The following SNX25 variants were observed in gnomAD, a reference collection of about 807,000 sequenced individuals.
The protein encoded by SNX25 is sorting nexin-25.
SNX25 carries 62 observed loss-of-function variants against 113.7 expected under a neutral mutation model. The ratio of observed to expected loss-of-function variants is 0.55; its 90% CI spans 0.44 to 0.67. The LOEUF (loss-of-function observed/expected upper bound fraction) is 0.67. Among genes scored for constraint, SNX25 ranks in the 30% least tolerant of loss-of-function variants. SNX25 has a pLI of 0.00. For synonymous variants in SNX25, 421 were observed against 436.2 expected, an observed-to-expected ratio of 0.97 and a Z score of 0.43; for missense variants, 1,014 against 1,161.0, an observed-to-expected ratio of 0.87 and a Z score of 1.84.
At chr4:185,359,980 A>T (rs535214790) in intron 16 of SNX25, among the ~76,000 whole-genome samples, 1 of 152,252 alleles carries the variant, frequency 6.6e-6, no homozygotes, top group Admixed American at 6.5e-5. Flanking sequence ...GCAGATGATG[A>T]CTCATGACAG....
At chr4:185,215,272 C>A (rs1462980925) in intron 1 of SNX25, among the ~76,000 whole-genome samples, 2 of 152,128 alleles carry the variant, frequency 1.3e-5, no homozygotes, top group Non-Finnish European at 2.9e-5. Flanking sequence ...AAGCACATGG[C>A]ACTGTTTTGG....
rs1475311854 is a variant in SNX25 at position 185,209,755 on chromosome 4, C to A, written c.-72C>A. Reference sequence around the variant, plus strand: ...GGGCGAGGCATGAGCGCGGGCTCCCCCTGCCTCCGGAGCGCCGGCGGGGGA... The same window carrying A: ...GGGCGAGGCATGAGCGCGGGCTCCCACTGCCTCCGGAGCGCCGGCGGGGGA... On this transcript the variant is annotated 5_prime_UTR_variant, in exon 1 of 19. Transcript: ENST00000652585. This position sits in a 1 kb window ranked among gnomAD's most constrained non-coding sequence, Gnocchi z 5.2. 11 of 984,008 alleles carry A rather than the reference C, an allele frequency of 1.1e-5. No individual in the cohort carries two copies. The highest frequency in any genetic ancestry group is 4.7e-5 in the South Asian group (1 of 21,292). 61.0% of individuals were successfully genotyped at this position (984,008 alleles called of 1,614,324 possible).
intron 2 of SNX25, among the ~76,000 whole-genome samples, chr4:185,249,425 A>G (rs987801745): frequency 6.6e-6 from 1 of 152,102 alleles, no homozygotes; most frequent in African/African-American, 2.4e-5. Flanking sequence ...CAATTTTCAG[A>G]TTTTTATTTG....
Position 185,261,094 on chromosome 4 carries a change from G to A in SNX25, c.731+2030G>A, listed in dbSNP as rs186982621. ...TGGTCCAGTAAGAGGACAGTATTCT[G>A]TCTGTCTGTCTGTCTGTCTCTGTGT... On this transcript the variant is annotated intron_variant, in intron 3 of 18. Transcript: ENST00000652585. Among the ~76,000 whole-genome samples, 124 of 149,100 alleles carry A rather than the reference G, an allele frequency of 8.3e-4. 2 individuals are homozygous for A. The highest frequency in any genetic ancestry group is 2.9e-3 in the African/African-American group (118 of 40,170).
chr4:185,251,585 T>C (rs1167149283), intron 2 of SNX25, among the ~76,000 whole-genome samples: 1 of 148,864 alleles, frequency 6.7e-6, no homozygotes, highest in Admixed American at 6.7e-5. Flanking sequence ...TCAGGCTGAA[T>C]GATATTCCAT....
chr4:185,328,056 T>C (rs1358587721), intron 9 of SNX25, among the ~76,000 whole-genome samples: 1 of 152,250 alleles, frequency 6.6e-6, no homozygotes, highest in African/African-American at 2.4e-5. Flanking sequence ...AATATTTGAT[T>C]TAAGCACTTA....
chr4:185,378,173 C>T, the SNX25 span: 1 of 1,613,996 alleles, frequency 6.2e-7, no homozygotes, highest in South Asian at 1.1e-5. Flanking sequence ...CAACTTTTCA[C>T]TGGTCAACTT....
At chr4:185,279,235 TGC>T (rs1750216949) in intron 5 of SNX25, among the ~76,000 whole-genome samples, 1 of 152,164 alleles carries the variant, frequency 6.6e-6, no homozygotes, top group Admixed American at 6.6e-5. Flanking sequence ...CACCCTGGGC[TGC>T]TCCGGTCCAG....
At chr4:185,252,841 G>A (rs1745869246) in intron 2 of SNX25, among the ~76,000 whole-genome samples, 1 of 152,164 alleles carries the variant, frequency 6.6e-6, no homozygotes, top group Non-Finnish European at 1.5e-5. Context: ...TGAAATACTA[G>A]AGCTACAAAT....
downstream of SNX25, chr4:185,374,503 T>G: frequency 6.3e-7 from 1 of 1,597,390 alleles, no homozygotes; most frequent in Non-Finnish European, 8.5e-7. Context: ...GTTTTTAGTT[T>G]TACCCAAACT....
At chr4:185,289,928 C>T (rs553090527) in intron 6 of SNX25, among the ~76,000 whole-genome samples, 1 of 152,322 alleles carries the variant, frequency 6.6e-6, no homozygotes, top group Admixed American at 6.5e-5. Flanking sequence ...GTTCTGGAGG[C>T]TGGAAACCCA....
chr4:185,277,732 T>A (rs1299806725), intron 5 of SNX25, among the ~76,000 whole-genome samples: 2 of 34,584 alleles, frequency 5.8e-5, no homozygotes, highest in African/African-American at 2.1e-4. Context: ...TTTTTTTTTT[T>A]TTTTTTTTTT....
At chr4:185,271,495 C>T (rs1301613880) in intron 5 of SNX25, among the ~76,000 whole-genome samples, 3 of 152,188 alleles carry the variant, frequency 2.0e-5, no homozygotes, top group Non-Finnish European at 4.4e-5. Context: ...GTGATCCACT[C>T]GCCTCGGTCT....
intron 2 of SNX25, among the ~76,000 whole-genome samples, chr4:185,254,734 C>T (rs143945153): frequency 4.0e-4 from 61 of 152,318 alleles, no homozygotes; most frequent in African/African-American, 1.3e-3. Context: ...CATTCTCTCT[C>T]ATCTCCAGTG....
rs191510068 is a variant in SNX25, at chr4:185,311,166, G to T, written c.1344+350G>T. Reference sequence around the variant, plus strand: ...TTGAATAGAAATAACCACCTATGAAGTAGGAGGCATCTTCTAAATTATTTT... The same window carrying T: ...TTGAATAGAAATAACCACCTATGAATTAGGAGGCATCTTCTAAATTATTTT... On this transcript the variant is annotated intron_variant, in intron 7 of 18. Transcript: ENST00000652585. Among the ~76,000 whole-genome samples the T allele has an allele frequency of 7.2e-4, 109 of 152,300 alleles. No homozygotes were observed. The Middle Eastern group carries it at 0.01, about 14-fold the overall frequency.
chr4:185,373,735 A>G (rs2126795036), downstream of SNX25, among the ~76,000 whole-genome samples: 1 of 152,338 alleles, frequency 6.6e-6, no homozygotes, highest in East Asian at 1.9e-4. Flanking sequence ...ACCATTGATG[A>G]AAGAGATTAT....
chr4:185,283,934 C>T (rs1750998971), intron 5 of SNX25, among the ~76,000 whole-genome samples: 1 of 152,060 alleles, frequency 6.6e-6, no homozygotes, highest in African/African-American at 2.4e-5. Flanking sequence ...TTCTTTGGTA[C>T]CCTTGATGAC....
intron 10 of SNX25, among the ~76,000 whole-genome samples, chr4:185,336,141 A>G (rs1282359827): frequency 6.6e-6 from 1 of 152,240 alleles, no homozygotes; most frequent in South Asian, 2.1e-4. Context: ...AGTATATATA[A>G]CAACATTTAC....
intron 1 of SNX25, among the ~76,000 whole-genome samples, chr4:185,237,372 A>G (rs1742797240): frequency 6.6e-6 from 1 of 152,210 alleles, no homozygotes; most frequent in South Asian, 2.1e-4. Context: ...TCTCCAGGGA[A>G]TGTGCGCTTT....
Sources: allele counts gnomAD v4.1 joint callset (sites outside exome capture counted in the v4.1 genomes callset), GRCh38; gene constraint gnomAD v4.1.1; non-coding constraint Gnocchi (gnomAD v3.1); transcripts MANE v1.5; gene names NCBI Gene and HGNC (gene_info 2026-07-23, HGNC 2026-07-21).